The following NELL2 variants were observed in gnomAD, a reference collection of about 807,000 sequenced individuals.
The protein encoded by NELL2 is neural EGFL like 2.
NELL2 carries 41 observed loss-of-function variants against 109.6 expected under a neutral mutation model. The observed-to-expected ratio is 0.37, with a 90% CI of 0.29 to 0.49. The LOEUF is 0.49. Ranked by LOEUF, NELL2 falls within the 20% of genes least tolerant of loss-of-function variation. NELL2 has a pLI of 0.98. For missense variants in NELL2, 900 were observed against 1,008.3 expected, an observed-to-expected ratio of 0.89 and a Z score of 1.45; for synonymous variants, 355 against 344.7, an observed-to-expected ratio of 1.03 and a Z score of -0.33.
intron 2 of NELL2, among the ~76,000 whole-genome samples, chr12:44,854,378 C>A (rs1944615246): frequency 6.6e-6 from 1 of 152,140 alleles, no homozygotes; most frequent in Non-Finnish European, 1.5e-5. Context: ...GCAAAGAAAG[C>A]ATTAGAACAA....
At chr12:44,711,259 G>T in intron 11 of NELL2, 33 bp downstream of exon 11, 1 of 1,470,478 alleles carries the variant, frequency 6.8e-7, no homozygotes, top group Non-Finnish European at 9.5e-7. Flanking sequence ...AATAACTCTT[G>T]CACGTAAACC....
At chr12:44,556,319 T>C (rs1943253830) in intron 15 of NELL2, among the ~76,000 whole-genome samples, 1 of 152,176 alleles carries the variant, frequency 6.6e-6, no homozygotes, top group African/African-American at 2.4e-5. Context: ...GAGGGGCTGA[T>C]TTGAAATCTT....
chr12:44,777,109 T>C lies in NELL2; in HGVS notation c.695A>G (p.Asn232Ser), dbSNP rs145137395. Residue 232 changes from asparagine (N) to serine (S), a missense_variant, in exon 7 of 20, where the codon AAT (asparagine) becomes AGT (serine). Asn to Ser is a conservative substitution (Grantham distance 46). Around this residue, in one of 4 missense-constraint regions of NELL2, gnomAD observed 75 missense variants for 118.9 expected, o/e 0.63. Transcript: ENST00000429094. Reference protein sequence around the residue: ...PDLNRTCPTCNDFHGLVQKIM... With the variant: ...PDLNRTCPTCSDFHGLVQKIM... The stretch of plus-strand genomic sequence containing the variant: ...TTTCTGCACAAGTCCATGGAAGTCA[T>C]TGCAAGTTGGACAGGCTGGAATTAC... 407 of 1,613,902 alleles carry C rather than the reference T, an allele frequency of 2.5e-4. No individual in the cohort carries two copies. Among genetic ancestry groups the C allele is most frequent in the Non-Finnish European group, 3.1e-4 (363 of 1,179,926 alleles).
intron 19 of NELL2, among the ~76,000 whole-genome samples, chr12:44,515,249 A>C (rs1015602519): frequency 6.6e-6 from 1 of 151,896 alleles, no homozygotes; most frequent in South Asian, 2.1e-4. Flanking sequence ...AATGCACTTT[A>C]AATATAAAAC....
chr12:44,666,974 T>C lies in NELL2; in HGVS notation c.1319-1365A>G, dbSNP rs531890321. On this transcript the variant is annotated intron_variant, in intron 12 of 19. Transcript: ENST00000429094. Reference sequence around the variant, plus strand: ...TCCCTGACACCATCCCAGTGGATCTTGTTTACCGGTAGATTAATCCCTCAA... The same window carrying C: ...TCCCTGACACCATCCCAGTGGATCTCGTTTACCGGTAGATTAATCCCTCAA... Among the ~76,000 whole-genome samples the C allele has an allele frequency of 3.3e-5, 5 of 152,304 alleles. No homozygotes were observed. In the South Asian group the frequency reaches 1.0e-3, roughly 32 times the overall value.
At chr12:44,654,693 T>C (rs1001179893) in intron 13 of NELL2, among the ~76,000 whole-genome samples, 1 of 152,064 alleles carries the variant, frequency 6.6e-6, no homozygotes, top group South Asian at 2.1e-4. Context: ...GGCTTCTGAT[T>C]TGGGGGAAGA....
chr12:44,659,922 A>G (rs1947677713), intron 13 of NELL2, among the ~76,000 whole-genome samples: 1 of 152,224 alleles, frequency 6.6e-6, no homozygotes, highest in Non-Finnish European at 1.5e-5. Flanking sequence ...AGTAGAAAGT[A>G]TATGGAGCAT....
chr12:44,630,041 T>A (rs1196783980), intron 13 of NELL2, among the ~76,000 whole-genome samples: 1 of 152,188 alleles, frequency 6.6e-6, no homozygotes, highest in Non-Finnish European at 1.5e-5. Context: ...TCATTATCCA[T>A]GCAGAAGCAA....
chr12:44,701,539 G>A (rs987775671), intron 12 of NELL2, among the ~76,000 whole-genome samples: 3 of 152,036 alleles, frequency 2.0e-5, no homozygotes, highest in African/African-American at 4.8e-5. Flanking sequence ...TAAATCTCTG[G>A]CCCCTTTCCT....
At chr12:44,668,322 T>C (rs1948009600) in intron 12 of NELL2, among the ~76,000 whole-genome samples, 1 of 152,144 alleles carries the variant, frequency 6.6e-6, no homozygotes, top group Non-Finnish European at 1.5e-5. Flanking sequence ...ACAACGATCC[T>C]GCCCTCTCCA....
chr12:44,829,326 CAACAAAATCCTTTT>C (rs1283589241), intron 2 of NELL2, among the ~76,000 whole-genome samples: 9 of 152,118 alleles, frequency 5.9e-5, no homozygotes, highest in Non-Finnish European at 2.9e-5. Flanking sequence ...ATAGCAGTCT[CAACAAAATCCTTTT>C]AACACATGTA....
chr12:44,567,556 C>T (rs1011436011), intron 15 of NELL2, among the ~76,000 whole-genome samples: 5 of 151,942 alleles, frequency 3.3e-5, no homozygotes, highest in Admixed American at 6.6e-5. Context: ...AAGGCTAAAA[C>T]AAGGGAACAA....
At chr12:44,870,046 G>A (rs1465012434) in intron 2 of NELL2, among the ~76,000 whole-genome samples, 1 of 152,008 alleles carries the variant, frequency 6.6e-6, no homozygotes, top group African/African-American at 2.4e-5. Flanking sequence ...TAACCACAGG[G>A]TACAATTCAG....
intron 13 of NELL2, among the ~76,000 whole-genome samples, chr12:44,627,422 G>GA (rs1946305773): frequency 2.1e-5 from 3 of 141,936 alleles, no homozygotes; most frequent in Non-Finnish European, 4.6e-5. Context: ...AGAAAAAGCA[G>GA]ATGTACCAAA....
chr12:44,600,179 T>G (rs935690855), intron 15 of NELL2, among the ~76,000 whole-genome samples: 5 of 137,922 alleles, frequency 3.6e-5, no homozygotes, highest in Non-Finnish European at 4.6e-5. Context: ...TTTATTTATT[T>G]ATTGTATTTT....
At chr12:44,593,881 C>T (rs1317078041) in intron 15 of NELL2, among the ~76,000 whole-genome samples, 1 of 152,052 alleles carries the variant, frequency 6.6e-6, no homozygotes. Flanking sequence ...TGGAACCAAC[C>T]CAAATGCCCA....
Position 44,577,839 on chromosome 12 carries a change from T to C in NELL2, c.1663+29330A>G, listed in dbSNP as rs141470123. Among the ~76,000 whole-genome samples, 929 of 152,284 alleles carry C rather than the reference T, an allele frequency of 6.1e-3. 8 individuals are homozygous for C. The highest frequency in any genetic ancestry group is 0.021 in the African/African-American group (872 of 41,532). ...TAGCAGACCTTGATCGTTGCATTTA[T>C]ATAATAGTAATTGCCCTGACTCTTA... On this transcript the variant is annotated intron_variant, in intron 15 of 19. Transcript: ENST00000429094.
At chr12:44,774,554 T>C in intron 9 of NELL2, 193 bp downstream of exon 9, 2 of 562,592 alleles carry the variant, frequency 3.6e-6, no homozygotes, top group East Asian at 3.0e-5. Context: ...AAAATTGTCC[T>C]ACTGGAATAG....
intron 9 of NELL2, among the ~76,000 whole-genome samples, chr12:44,739,318 T>C (rs1939816890): frequency 6.6e-6 from 1 of 152,116 alleles, no homozygotes; most frequent in Non-Finnish European, 1.5e-5. Context: ...GAAAAAAAAT[T>C]ACTATCTATA....
Sources: gnomAD v4.1 joint callset for allele counts (sites outside exome capture counted in the v4.1 genomes callset) on GRCh38, gnomAD v4.1.1 for gene constraint, gnomAD v4.1.1 regional missense constraint, MANE v1.5 for transcripts, NCBI Gene and HGNC (gene_info 2026-07-23, HGNC 2026-07-21) for gene names.